TEAD4: variants seen among roughly 807,000 people sequenced by gnomAD.
TEAD4 encodes the protein TEA domain transcription factor 4.
TEAD4 carries 36 observed loss-of-function variants against 52.4 expected under a neutral mutation model. That is an observed-to-expected ratio of 0.69 (90% CI 0.53 to 0.91). The LOEUF is 0.91. Ranked by LOEUF, TEAD4 falls within the 40% of genes least tolerant of loss-of-function variation. The pLI is 0.00. For synonymous variants in TEAD4, 220 were observed against 231.0 expected, an observed-to-expected ratio of 0.95 and a Z score of 0.43; for missense variants, 508 against 583.9, an observed-to-expected ratio of 0.87 and a Z score of 1.34.
chr12:2,962,758 G>A (rs574559246), intron 2 of TEAD4, among the ~76,000 whole-genome samples: 1 of 152,134 alleles, frequency 6.6e-6, no homozygotes, highest in African/African-American at 2.4e-5. Context: ...GAGCCACTGC[G>A]CCTGGCCTAA....
At chr12:3,038,249 G>A in intron 11 of TEAD4, 141 bp downstream of exon 11, 1 of 1,129,012 alleles carries the variant, frequency 8.9e-7, no homozygotes, top group Non-Finnish European at 1.3e-6. Context: ...TGCTGTCAGT[G>A]CTGTGTGCCT....
chr12:3,011,553 G>T (rs1010383364), intron 4 of TEAD4, among the ~76,000 whole-genome samples: 2 of 151,684 alleles, frequency 1.3e-5, no homozygotes, highest in African/African-American at 2.4e-5. Flanking sequence ...TTTTCTTGGG[G>T]TCCCTGCTGC....
At chr12:3,023,481 C>T (rs7969506) in intron 10 of TEAD4, among the ~76,000 whole-genome samples, 1 of 151,988 alleles carries the variant, frequency 6.6e-6, no homozygotes, top group African/African-American at 2.4e-5. Context: ...ATACCAGGAG[C>T]CTTATTTAAC....
At chr12:3,004,621 T>C (rs971396155) in intron 3 of TEAD4, among the ~76,000 whole-genome samples, 6 of 152,190 alleles carry the variant, frequency 3.9e-5, no homozygotes, top group African/African-American at 1.4e-4. Context: ...GTCTGTAGCG[T>C]GGATGACAGT....
chr12:3,035,652 T>C (rs908966991), intron 10 of TEAD4, among the ~76,000 whole-genome samples: 5 of 151,812 alleles, frequency 3.3e-5, no homozygotes, highest in Non-Finnish European at 7.4e-5. Flanking sequence ...AGACCCTGCC[T>C]CTACAAAAAA....
chr12:3,012,020 C>G (rs958260390), intron 4 of TEAD4, 150 bp from the exon 5 acceptor site: 19 of 735,764 alleles, frequency 2.6e-5, no homozygotes, highest in Admixed American at 8.3e-5. Context: ...CAAGGCAGGA[C>G]TGAGGGCCCA....
rs534924384 is a variant in TEAD4, at chr12:2,977,963, G to A, written c.-29-16775G>A. ...TCTAACTGAGTACACAGCCTGGCCC[G>A]GCCCAGCCCAACCAAATCCATTTCT... On this transcript the variant is annotated intron_variant, in intron 2 of 12. Transcript: ENST00000359864. Among the ~76,000 whole-genome samples the A allele has an allele frequency of 3.9e-5, 6 of 152,252 alleles. 1 individual carries two copies. Among genetic ancestry groups the A allele is most frequent in the South Asian group, 2.1e-4 (1 of 4,820 alleles).
At chr12:2,990,463 T>TTTC (rs2098242142) in intron 2 of TEAD4, among the ~76,000 whole-genome samples, 4 of 119,652 alleles carry the variant, frequency 3.3e-5, no homozygotes, top group Admixed American at 2.6e-4. Context: ...CAGATAATCT[T>TTTC]TTTTTTTTTT....
intron 10 of TEAD4, among the ~76,000 whole-genome samples, chr12:3,025,042 T>C (rs1161674944): frequency 6.6e-6 from 1 of 151,916 alleles, no homozygotes; most frequent in Non-Finnish European, 1.5e-5. Context: ...CCTCCCTGGT[T>C]CAAGCAATTC....
At chr12:3,017,143 A>T in intron 5 of TEAD4, 1 of 650,138 alleles carries the variant, frequency 1.5e-6, no homozygotes, top group South Asian at 1.5e-5. Context: ...AATGACAGAT[A>T]ATGTCTCTGT....
intron 2 of TEAD4, among the ~76,000 whole-genome samples, chr12:2,976,334 T>C (rs2098229649): frequency 7.6e-6 from 1 of 130,892 alleles, no homozygotes; most frequent in Admixed American, 7.9e-5. Context: ...TTTTTTTTTT[T>C]CTGAATAGTA....
intron 2 of TEAD4, among the ~76,000 whole-genome samples, chr12:2,963,700 C>T (rs1421824594): frequency 6.6e-6 from 1 of 152,210 alleles, no homozygotes; most frequent in Non-Finnish European, 1.5e-5. Flanking sequence ...CTAATCACAC[C>T]TGTGTGATCT....
chr12:2,977,838 G>A (rs1009839097), intron 2 of TEAD4, among the ~76,000 whole-genome samples: 1 of 152,198 alleles, frequency 6.6e-6, no homozygotes, highest in African/African-American at 2.4e-5. Flanking sequence ...CTCAGGCCCT[G>A]GGACACCTAG....
intron 2 of TEAD4, among the ~76,000 whole-genome samples, chr12:2,962,614 C>T (rs557040643): frequency 6.6e-6 from 1 of 152,034 alleles, no homozygotes; most frequent in African/African-American, 2.4e-5. Context: ...AGATTATAGG[C>T]ATGAGCCACC....
intron 2 of TEAD4, among the ~76,000 whole-genome samples, chr12:2,962,299 T>A (rs1477000214): frequency 1.6e-5 from 2 of 122,864 alleles, no homozygotes; most frequent in Non-Finnish European, 3.2e-5. Context: ...TTTATATATA[T>A]AAATATAAAT....
intron 2 of TEAD4, among the ~76,000 whole-genome samples, chr12:2,963,519 AG>A (rs1168784170): frequency 5.3e-5 from 8 of 152,102 alleles, no homozygotes; most frequent in Admixed American, 2.0e-4. Context: ...AAGGGGGGTG[AG>A]GGGGCTGTCA....
chr12:3,028,723 C>T (rs1477877985), intron 10 of TEAD4, among the ~76,000 whole-genome samples: 1 of 152,066 alleles, frequency 6.6e-6, no homozygotes, highest in Non-Finnish European at 1.5e-5. Context: ...CTCTGCCTCC[C>T]AGGTTCAACT....
intron 3 of TEAD4, among the ~76,000 whole-genome samples, chr12:3,009,716 C>T (rs924811398): frequency 6.6e-6 from 1 of 152,234 alleles, no homozygotes; most frequent in Non-Finnish European, 1.5e-5. Context: ...CTTGTGGACT[C>T]AGGGTTTCAG....
At chr12:3,021,307 C>CTT (rs371527718) in intron 9 of TEAD4, among the ~76,000 whole-genome samples, 22,462 of 133,068 alleles carry the variant, frequency 0.17, 2,274 homozygotes, top group African/African-American at 0.23. Flanking sequence ...CTTCAAACTT[C>CTT]TTTTTTTTTT....
Sources: allele counts gnomAD v4.1 joint callset (sites outside exome capture counted in the v4.1 genomes callset), GRCh38; gene constraint gnomAD v4.1.1; transcripts MANE v1.5; gene names NCBI Gene and HGNC (gene_info 2026-07-23, HGNC 2026-07-21).